TSC22D1: variants seen among roughly 807,000 people sequenced by gnomAD.
TSC22D1 encodes the protein TSC22 domain family member 1.
In TSC22D1, 9 loss-of-function variants were observed where a neutral mutation model predicts 74.2. That is an observed-to-expected ratio of 0.12 (90% CI 0.07 to 0.21). The LOEUF is 0.21. Ranked by LOEUF, TSC22D1 falls within the 10% of genes least tolerant of loss-of-function variation. The probability of loss-of-function intolerance (pLI) is 1.00; values close to 1 mark genes in which losing one functional copy is unlikely to be tolerated. For synonymous variants in TSC22D1, 586 were observed against 492.5 expected (o/e 1.19, Z -2.51); for missense variants, 1,427 against 1,304.7 (o/e 1.09, Z -1.44).
At chr13:44,519,405 A>G (rs987858275) in intron 1 of TSC22D1, among the ~76,000 whole-genome samples, 1 of 152,210 alleles carries the variant, frequency 6.6e-6, no homozygotes, top group South Asian at 2.1e-4. Flanking sequence ...TTTTAGCTAC[A>G]GGGAGAAATG....
chr13:44,433,625 T>A lies in TSC22D1; in HGVS notation c.*1001A>T. Reference sequence around the variant, plus strand: ...GAACATGCACAGAAACATATGCATATAACTACTATACAGGTGATATGCAGA... The same window carrying A: ...GAACATGCACAGAAACATATGCATAAAACTACTATACAGGTGATATGCAGA... On this transcript the variant is annotated 3_prime_UTR_variant, in exon 3 of 3. Transcript: ENST00000458659. 4.6e-6 allele frequency: 1 copy of A among 215,342 alleles called. No individual in the cohort carries two copies. The highest frequency in any genetic ancestry group is 1.1e-4 in the South Asian group (1 of 9,262). 13.3% of individuals were successfully genotyped at this position (215,342 alleles called of 1,614,324 possible).
chr13:44,539,262 T>C (rs1881324381), intron 1 of TSC22D1: 2 of 985,356 alleles, frequency 2.0e-6, no homozygotes, highest in East Asian at 1.1e-4. Context: ...AAAACCATAA[T>C]AGTACTATCA....
intron 1 of TSC22D1, among the ~76,000 whole-genome samples, chr13:44,498,960 G>A (rs893298883): frequency 2.6e-5 from 4 of 151,920 alleles, no homozygotes; most frequent in Admixed American, 2.0e-4. Flanking sequence ...CTAAGGAAAT[G>A]TAAAAAAAAA....
chr13:44,436,983 C>T (rs555832243), intron 1 of TSC22D1: 1 of 1,002,650 alleles, frequency 1.0e-6, no homozygotes, highest in Non-Finnish European at 1.2e-6. Context: ...CCGCCTCCCC[C>T]CACCCCCACC....
Position 44,575,923 on chromosome 13 carries a change from T to C in TSC22D1, c.152A>G (p.Asn51Ser). ...LNAAGTGVGS[N>S]ATSSEDFPPP... ...CGGAAAATCCTCGGAAGATGTGGCA[T>C]TACTACCGACGCCGGTACCTGCTGC... The change falls in exon 1 of 3, where the codon AAT becomes AGT. Residue 51 changes from asparagine to serine, a missense_variant. By Grantham distance (46) the Asn-to-Ser change is conservative (BLOSUM62 1). Transcript: ENST00000458659. 3 of 1,613,460 alleles carry C rather than the reference T, an allele frequency of 1.9e-6. No homozygotes were observed. In the African/African-American group the frequency reaches 4.0e-5, roughly 22 times the overall value.
At chr13:44,500,239 T>C (rs1879166685) in intron 1 of TSC22D1, among the ~76,000 whole-genome samples, 1 of 152,158 alleles carries the variant, frequency 6.6e-6, no homozygotes, top group Non-Finnish European at 1.5e-5. Context: ...TGCCATTATA[T>C]ATATTTAATT....
intron 1 of TSC22D1, among the ~76,000 whole-genome samples, chr13:44,444,967 G>A (rs969493126): frequency 1.3e-5 from 2 of 152,002 alleles, no homozygotes; most frequent in Admixed American, 1.3e-4. Context: ...GGTTTCACTG[G>A]TAAATTCCAC....
Position 44,573,758 on chromosome 13 carries a change from T to A in TSC22D1, c.2317A>T (p.Ile773Phe). 1 of 1,614,226 alleles carries A rather than the reference T, an allele frequency of 6.2e-7. No individual in the cohort carries two copies. The highest frequency in any genetic ancestry group is 8.5e-7 in the Non-Finnish European group (1 of 1,180,030). Residue 773 changes from isoleucine to phenylalanine, a missense_variant, in exon 1 of 3, where the codon ATT becomes TTT. Transcript: ENST00000458659. Reference sequence around the variant, plus strand: ...GCACTAGTTTGAACTCCCTGATGAATAATCCCAGTTTGAGCAGGTGGAACC... The same window carrying A: ...GCACTAGTTTGAACTCCCTGATGAAAAATCCCAGTTTGAGCAGGTGGAACC... The part of the protein sequence containing the change: ...QVVPPAQTGI[I>F]HQGVQTSAPS...
intron 1 of TSC22D1, among the ~76,000 whole-genome samples, chr13:44,511,102 A>C (rs1292684586): frequency 1.3e-5 from 2 of 152,040 alleles, no homozygotes; most frequent in Non-Finnish European, 2.9e-5. Context: ...GCAACACGGC[A>C]AAACCCTATC....
At chr13:44,455,187 T>C (rs6561178) in intron 1 of TSC22D1, among the ~76,000 whole-genome samples, 89,893 of 151,988 alleles carry the variant, frequency 0.59, 26,509 homozygotes, top group Middle Eastern at 0.67. Context: ...TTTAGCTAGC[T>C]TTCAAAGAAG....
intron 1 of TSC22D1, among the ~76,000 whole-genome samples, chr13:44,567,497 TAGAA>T (rs773634120): frequency 4.8e-5 from 7 of 146,636 alleles, no homozygotes; most frequent in African/African-American, 7.7e-5. Flanking sequence ...AAACACCACA[TAGAA>T]AGAAAAAAAA....
chr13:44,486,407 C>T (rs1049678134), intron 1 of TSC22D1, among the ~76,000 whole-genome samples: 2 of 152,076 alleles, frequency 1.3e-5, no homozygotes, highest in Admixed American at 6.5e-5. Flanking sequence ...TAAAGAGAAT[C>T]GTGACATAAC....
At chr13:44,435,418 TA>T (rs1874493560) in intron 2 of TSC22D1, 2 of 156,242 alleles carry the variant, frequency 1.3e-5, no homozygotes, top group African/African-American at 4.8e-5. Context: ...AGCTCCGAAT[TA>T]AAGGTTCAGA....
Position 44,575,290 on chromosome 13 carries a change from A to C in TSC22D1, c.785T>G (p.Leu262Arg), listed in dbSNP as rs769699765. The change falls in exon 1 of 3, where the codon CTC becomes CGC. Residue 262 changes from leucine to arginine, a missense_variant. By Grantham distance (102) the Leu-to-Arg change is moderately radical. Transcript: ENST00000458659. Reference sequence around the variant, plus strand: ...ACTGTCAGAGCTTCCAGTTGTAGAGAGTTTTCTAGATACTGGGCTTGAGGG... The same window carrying C: ...ACTGTCAGAGCTTCCAGTTGTAGAGCGTTTTCTAGATACTGGGCTTGAGGG... ...GPPSSPVSRK[L>R]STTGSSDSIT... is the part of the protein sequence containing the mutation. 6.2e-7 allele frequency: 1 copy of C among 1,614,078 alleles called. No individual in the cohort carries two copies. The highest frequency in any genetic ancestry group is 1.3e-5 in the African/African-American group (1 of 75,004).
chr13:44,544,631 T>C (rs1396873941), intron 1 of TSC22D1, among the ~76,000 whole-genome samples: 1 of 150,984 alleles, frequency 6.6e-6, no homozygotes, highest in Non-Finnish European at 1.5e-5. Flanking sequence ...TGGACAGTAA[T>C]TTCCTAAAAG....
At chr13:44,576,932 C>T (rs922030150), upstream of TSC22D1, 3 of 152,780 alleles carry the variant, frequency 2.0e-5, no homozygotes, top group Non-Finnish European at 4.4e-5. Flanking sequence ...CGCCTCGACT[C>T]GGCACACGTC....
At chr13:44,434,910 C>T (rs770386742) in intron 2 of TSC22D1, 27 bp from the exon 3 acceptor site, 2 of 1,580,456 alleles carry the variant, frequency 1.3e-6, no homozygotes, top group East Asian at 4.5e-5. Flanking sequence ...AAAGGTTTAA[C>T]TCATTATTTG....
intron 1 of TSC22D1, among the ~76,000 whole-genome samples, chr13:44,460,156 A>G (rs1025780337): frequency 2.0e-5 from 3 of 152,350 alleles, no homozygotes; most frequent in African/African-American, 7.2e-5. Flanking sequence ...CTCTTTCCAC[A>G]GTAATTAAGG....
chr13:44,455,583 C>T (rs959430195), intron 1 of TSC22D1, among the ~76,000 whole-genome samples: 4 of 152,184 alleles, frequency 2.6e-5, no homozygotes, highest in African/African-American at 9.6e-5. Flanking sequence ...TAAAAACTTT[C>T]CCTGTCTGGA....
Sources: gnomAD v4.1 joint callset for allele counts (sites outside exome capture counted in the v4.1 genomes callset) on GRCh38, gnomAD v4.1.1 for gene constraint, MANE v1.5 for transcripts, NCBI Gene and HGNC (gene_info 2026-07-23, HGNC 2026-07-21) for gene names.